SLC14A1: variants seen among roughly 807,000 people sequenced by gnomAD.
SLC14A1 encodes solute carrier family 14 member 1 (Kidd blood group).
SLC14A1 carries 36 observed loss-of-function variants against 39.6 expected under a neutral mutation model. The observed-to-expected ratio is 0.91, with a 90% CI of 0.70 to 1.20. The LOEUF is 1.20. SLC14A1 is among the 50% of genes most tolerant of loss of function. SLC14A1 has a pLI of 0.00. For synonymous variants in SLC14A1, 164 were observed against 173.6 expected (o/e 0.94, Z 0.43); for missense variants, 469 against 478.7 (o/e 0.98, Z 0.19).
At position 45,749,791 on chromosome 18, in the gene SLC14A1, C is replaced by T; in HGVS notation, c.1010C>T (p.Ala337Val). ...CTTCTTCCCCAGGTTGGATTGCCAG[C>T]TTGTACCTGGCCCTTCTGTTTGGCC... Reference protein sequence around the residue: ...ANFMAEVGLPACTWPFCLATL... With the variant: ...ANFMAEVGLPVCTWPFCLATL... The change falls in exon 10 of 10, where the codon GCT becomes GTT. Residue 337 changes from alanine to valine, a missense_variant. Physicochemically the swap from Ala to Val is moderately conservative, Grantham distance 64. Coordinates refer to ENST00000321925, the MANE Select transcript of SLC14A1 (RefSeq NM_015865.7). 1 of 1,614,198 alleles carries T rather than the reference C, an allele frequency of 6.2e-7. No homozygotes were observed. The highest frequency in any genetic ancestry group is 8.5e-7 in the Non-Finnish European group (1 of 1,180,032).
chr18:45,742,759 C>CT (rs1431195738), intron 8 of SLC14A1, among the ~76,000 whole-genome samples: 2 of 151,596 alleles, frequency 1.3e-5, no homozygotes, highest in African/African-American at 4.9e-5. Context: ...CTCACTGCAA[C>CT]CTCTGCCTCC....
chr18:45,732,193 T>C (rs950872253), intron 4 of SLC14A1, among the ~76,000 whole-genome samples: 1 of 152,254 alleles, frequency 6.6e-6, no homozygotes, highest in Non-Finnish European at 1.5e-5. Context: ...AGAAGACAAG[T>C]CATTTATATG....
At chr18:45,732,349 T>C (rs1323465267) in intron 4 of SLC14A1, among the ~76,000 whole-genome samples, 1 of 152,220 alleles carries the variant, frequency 6.6e-6, no homozygotes, top group Non-Finnish European at 1.5e-5. Flanking sequence ...TTTCCACTGA[T>C]CAAACTCAAG....
chr18:45,736,695 GC>G lies in SLC14A1; in HGVS notation c.663+48del, dbSNP rs760472595. The G allele has an allele frequency of 3.9e-6, 6 of 1,537,322 alleles. No homozygotes were observed. In the South Asian group the frequency reaches 6.7e-5, roughly 17 times the overall value. ...CATTCGCCCTGGCTCTGCAAGATAC[GC>G]AATGGCCTCCTGGTCAACTGTCCAC... On this transcript the variant is annotated intron_variant, in intron 6 of 9. Transcript: ENST00000321925.
At chr18:45,728,763 T>C (rs28994283) in intron 2 of SLC14A1, among the ~76,000 whole-genome samples, 1,543 of 152,324 alleles carry the variant, frequency 0.01, 30 homozygotes, top group African/African-American at 0.036. Flanking sequence ...GTCACACAGA[T>C]GTTGGTATCT....
chr18:45,741,107 C>T (rs1283904003), intron 8 of SLC14A1: 3 of 152,320 alleles, frequency 2.0e-5, no homozygotes, highest in Non-Finnish European at 4.4e-5. Context: ...CATCCACCTC[C>T]AGAGTTATCC....
chr18:45,740,420 G>GAAA (rs2047332811), intron 8 of SLC14A1, among the ~76,000 whole-genome samples: 1 of 150,608 alleles, frequency 6.6e-6, no homozygotes, highest in African/African-American at 2.5e-5. Flanking sequence ...GAGATAAGGG[G>GAAA]AAGAATATTT....
intron 3 of SLC14A1, 91 bp downstream of exon 3, chr18:45,730,562 T>G: frequency 1.5e-6 from 2 of 1,375,576 alleles, no homozygotes; most frequent in Non-Finnish European, 2.1e-6. Context: ...TTAGTTATAT[T>G]CTCCAACTTT....
At chr18:45,742,346 T>G (rs866262332) in intron 8 of SLC14A1, among the ~76,000 whole-genome samples, 2,048 of 124,088 alleles carry the variant, frequency 0.017, 61 homozygotes, top group African/African-American at 0.062. Context: ...TTGTTTTTTG[T>G]TTTTTGGTTT....
Position 45,730,579 on chromosome 18 carries a change from A to C in SLC14A1, c.151+108A>C, listed in dbSNP as rs539260214. The C allele has an allele frequency of 7.4e-6, 9 of 1,212,080 alleles. No homozygotes were observed. The African/African-American group carries it at 1.2e-4, about 16-fold the overall frequency. 75.1% of individuals were successfully genotyped at this position (1,212,080 alleles called of 1,614,324 possible). A position where few individuals can be genotyped will look rare whatever the true frequency, so the allele number is the denominator to read the frequency against. On this transcript the variant is annotated intron_variant, in intron 3 of 9. Coordinates refer to ENST00000321925, the MANE Select transcript of SLC14A1 (RefSeq NM_015865.7). ...AGTTATATTCTCCAACTTTTTATAGATCTCTTTACTCACCATTTTTCTACT... is the reference window on the plus strand; with the variant it reads ...AGTTATATTCTCCAACTTTTTATAGCTCTCTTTACTCACCATTTTTCTACT...
intron 4 of SLC14A1, chr18:45,731,561 A>T (rs2047030943): frequency 8.7e-5 from 30 of 346,038 alleles, no homozygotes; most frequent in South Asian, 7.3e-4. Context: ...ATTCAGAAAA[A>T]GTTTTAGTGG....
rs554547635 is a variant in SLC14A1 at position 45,751,311 on chromosome 18, AC to A, written c.*1362del. 279 of 898,498 alleles carry A rather than the reference AC, an allele frequency of 3.1e-4. 1 individual carries two copies. In the African/African-American group the frequency reaches 4.9e-3, roughly 16 times the overall value. 55.7% of individuals were successfully genotyped at this position (898,498 alleles called of 1,614,324 possible). ...GCTAAGATTGCACCACTGCACTCCA[AC>A]CTGGGCGACAAGAGTGAAACTGTGT... On this transcript the variant is annotated 3_prime_UTR_variant, in exon 10 of 10. Coordinates refer to ENST00000321925, the MANE Select transcript of SLC14A1 (RefSeq NM_015865.7).
At chr18:45,744,774 A>G (rs1008022398) in intron 8 of SLC14A1, among the ~76,000 whole-genome samples, 1 of 152,044 alleles carries the variant, frequency 6.6e-6, no homozygotes, top group African/African-American at 2.4e-5. Context: ...TGTGATTTCT[A>G]GTATTTGAGT....
intron 2 of SLC14A1, among the ~76,000 whole-genome samples, chr18:45,726,310 G>C (rs747800431): frequency 6.6e-6 from 1 of 151,968 alleles, no homozygotes; most frequent in Non-Finnish European, 1.5e-5. Context: ...GAAGAAGAAA[G>C]TAAAAACAGA....
Position 45,741,816 on chromosome 18 carries a change from G to A in SLC14A1, c.946+2154G>A, listed in dbSNP as rs191980263. Among the ~76,000 whole-genome samples the A allele has an allele frequency of 9.3e-5, 14 of 150,988 alleles. No homozygotes were observed. The East Asian group carries it at 2.5e-3, about 27-fold the overall frequency. On this transcript the variant is annotated intron_variant, in intron 8 of 9. Coordinates refer to ENST00000321925, the MANE Select transcript of SLC14A1 (RefSeq NM_015865.7). ...AGATTGGTTAGGGGTTTCCACCTGAGTTCAGCTGGGTTAGAATGTTTATCC... is the reference window on the plus strand; with the variant it reads ...AGATTGGTTAGGGGTTTCCACCTGAATTCAGCTGGGTTAGAATGTTTATCC...
intron 5 of SLC14A1, among the ~76,000 whole-genome samples, chr18:45,734,696 C>T (rs1451486757): frequency 3.3e-5 from 5 of 152,056 alleles, no homozygotes; most frequent in Admixed American, 6.6e-5. Context: ...GCTATGATTG[C>T]GTCACCGCAC....
rs2047305979 is a variant in SLC14A1 at position 45,739,782 on chromosome 18, GCTGT to G, written c.946+123_946+126del. On this transcript the variant is annotated intron_variant, in intron 8 of 9. Coordinates refer to ENST00000321925, the MANE Select transcript of SLC14A1 (RefSeq NM_015865.7). ...CCAGGGTTCTGGCTTGAGCCCACTT[GCTGT>G]CTAAGTGTGTGAACAGGACAAGTGA... 90 of 1,329,280 alleles carry G rather than the reference GCTGT, an allele frequency of 6.8e-5. No individual in the cohort carries two copies. In the Middle Eastern group the frequency reaches 7.5e-4, roughly 11 times the overall value. The allele number at this position is 1,329,280 out of a possible 1,614,324, so 82.3% of individuals were successfully genotyped here. A position where few individuals can be genotyped will look rare whatever the true frequency, so the allele number is the denominator to read the frequency against.
At chr18:45,725,550 G>C (rs1282291505) in intron 2 of SLC14A1, among the ~76,000 whole-genome samples, 2 of 152,194 alleles carry the variant, frequency 1.3e-5, no homozygotes, top group Non-Finnish European at 2.9e-5. Context: ...AGTTCAAAGT[G>C]ACCGTGAAGA....
At chr18:45,732,998 G>A (rs1401869996) in intron 4 of SLC14A1, among the ~76,000 whole-genome samples, 4 of 152,206 alleles carry the variant, frequency 2.6e-5, no homozygotes, top group Non-Finnish European at 4.4e-5. Flanking sequence ...AATTAATGTA[G>A]TAACAGAAAA....
Sources: allele counts gnomAD v4.1 joint callset (sites outside exome capture counted in the v4.1 genomes callset), GRCh38; gene constraint gnomAD v4.1.1; transcripts MANE v1.5; gene names NCBI Gene and HGNC (gene_info 2026-07-23, HGNC 2026-07-21).